Variants in ARHGAP10 observed in about 807,000 individuals in gnomAD.
The protein encoded by ARHGAP10 is rho GTPase-activating protein 10.
Under a neutral mutation model 108.6 loss-of-function variants are expected in ARHGAP10, and 87 were observed. That is an observed-to-expected ratio of 0.80 (90% CI 0.67 to 0.96). ARHGAP10 has a LOEUF of 0.96. ARHGAP10 is among the 40% of genes least tolerant of loss of function. The pLI is 0.00. For missense variants in ARHGAP10, 939 were observed against 954.5 expected (o/e 0.98, Z 0.21); for synonymous variants, 347 against 341.1 (o/e 1.02, Z -0.19).
intron 13 of ARHGAP10, among the ~76,000 whole-genome samples, chr4:147,923,787 C>G (rs946817931): frequency 6.6e-6 from 1 of 152,174 alleles, no homozygotes; most frequent in Non-Finnish European, 1.5e-5. Context: ...ATGGGGTTCT[C>G]AAGATGGGCT....
intron 1 of ARHGAP10, among the ~76,000 whole-genome samples, chr4:147,812,416 C>T (rs1271523484): frequency 6.6e-6 from 1 of 152,058 alleles, no homozygotes; most frequent in African/African-American, 2.4e-5. Flanking sequence ...AGGAATACTT[C>T]ACAGACCTCA....
chr4:147,744,962 C>G (rs986872487), intron 1 of ARHGAP10, among the ~76,000 whole-genome samples: 1 of 151,848 alleles, frequency 6.6e-6, no homozygotes, highest in African/African-American at 2.4e-5. Flanking sequence ...AGGGTCAGGG[C>G]AAATCCGGAG....
chr4:147,988,428 C>T (rs1740123353), intron 18 of ARHGAP10, among the ~76,000 whole-genome samples: 1 of 152,148 alleles, frequency 6.6e-6, no homozygotes, highest in Non-Finnish European at 1.5e-5. Context: ...GTCCTCTGGC[C>T]TGCCGGTCCT....
intron 19 of ARHGAP10, among the ~76,000 whole-genome samples, chr4:148,041,261 A>G (rs1466761443): frequency 6.6e-6 from 1 of 152,240 alleles, no homozygotes; most frequent in Non-Finnish European, 1.5e-5. Flanking sequence ...GTGAGGAATA[A>G]CAGAAACTGT....
chr4:147,952,895 C>T (rs1738659130), intron 15 of ARHGAP10, among the ~76,000 whole-genome samples: 1 of 151,848 alleles, frequency 6.6e-6, no homozygotes, highest in Non-Finnish European at 1.5e-5. Context: ...AGGTTTTACA[C>T]TTAGTTCTGT....
intron 3 of ARHGAP10, among the ~76,000 whole-genome samples, chr4:147,824,814 G>A (rs1485466532): frequency 1.3e-5 from 2 of 152,156 alleles, no homozygotes; most frequent in Non-Finnish European, 2.9e-5. Context: ...TTACGCTTTC[G>A]TGTAAGATTT....
intron 13 of ARHGAP10, 135 bp downstream of exon 13, chr4:147,913,274 G>T: frequency 2.7e-6 from 2 of 741,714 alleles, no homozygotes; most frequent in Non-Finnish European, 2.3e-6. Flanking sequence ...AGTATCAGAA[G>T]GATCAGTTAT....
At chr4:147,967,844 G>T (rs1001612762) in intron 18 of ARHGAP10, among the ~76,000 whole-genome samples, 2 of 151,978 alleles carry the variant, frequency 1.3e-5, no homozygotes, top group African/African-American at 4.9e-5. Flanking sequence ...CTTGTAAGTG[G>T]CTGCATAGCC....
At chr4:147,873,875 TAAAA>T (rs11339382) in intron 7 of ARHGAP10, among the ~76,000 whole-genome samples, 9 of 132,270 alleles carry the variant, frequency 6.8e-5, no homozygotes, top group African/African-American at 5.5e-5. Flanking sequence ...ACCCTGTCTT[TAAAA>T]AAAAAAAAAA....
At chr4:147,929,469 A>T (rs1016907370) in intron 13 of ARHGAP10, among the ~76,000 whole-genome samples, 2 of 152,156 alleles carry the variant, frequency 1.3e-5, no homozygotes, top group East Asian at 3.8e-4. Flanking sequence ...TTGTGTATGA[A>T]CCTGTTTATT....
At chr4:147,753,407 G>A (rs1579001902) in intron 1 of ARHGAP10, among the ~76,000 whole-genome samples, 2 of 149,568 alleles carry the variant, frequency 1.3e-5, no homozygotes, top group South Asian at 2.1e-4. Context: ...ACAGTGATGT[G>A]ATCTCGGCTC....
At chr4:147,932,032 A>G (rs1398911027) in intron 13 of ARHGAP10, among the ~76,000 whole-genome samples, 1 of 152,192 alleles carries the variant, frequency 6.6e-6, no homozygotes, top group Non-Finnish European at 1.5e-5. Flanking sequence ...TCAAGACAAG[A>G]CATACATGTG....
chr4:147,858,823 G>C (rs10025684), intron 5 of ARHGAP10, among the ~76,000 whole-genome samples: 1 of 152,036 alleles, frequency 6.6e-6, no homozygotes, highest in Non-Finnish European at 1.5e-5. Context: ...TTCCCCAAGT[G>C]AATTTCCAAA....
chr4:147,759,005 G>A (rs2126702690), intron 1 of ARHGAP10, among the ~76,000 whole-genome samples: 1 of 151,280 alleles, frequency 6.6e-6, no homozygotes, highest in Middle Eastern at 3.4e-3. Context: ...AAAACAGGTG[G>A]TATATTTTTT....
At chr4:147,794,711 C>A (rs1313647698) in intron 1 of ARHGAP10, among the ~76,000 whole-genome samples, 1 of 152,126 alleles carries the variant, frequency 6.6e-6, no homozygotes, top group Non-Finnish European at 1.5e-5. Flanking sequence ...ATTGAGTATT[C>A]CATTATCTCC....
At chr4:147,812,336 G>A (rs1307845776) in intron 1 of ARHGAP10, among the ~76,000 whole-genome samples, 1 of 152,100 alleles carries the variant, frequency 6.6e-6, no homozygotes, top group African/African-American at 2.4e-5. Flanking sequence ...GGAGGTCCAG[G>A]CCCGTGTCAG....
chr4:147,959,124 A>G (rs1199751610), intron 16 of ARHGAP10, among the ~76,000 whole-genome samples: 1 of 152,168 alleles, frequency 6.6e-6, no homozygotes. Context: ...GGAGTACCTT[A>G]AAGGTATTAT....
intron 18 of ARHGAP10, among the ~76,000 whole-genome samples, chr4:147,974,705 T>C (rs142761775): frequency 1.6e-3 from 250 of 152,334 alleles, no homozygotes; most frequent in African/African-American, 5.5e-3. Flanking sequence ...TACTAGCCTG[T>C]ATTAGTCTGT....
At chr4:147,870,414 A>G (rs936964380) in intron 7 of ARHGAP10, among the ~76,000 whole-genome samples, 7 of 152,206 alleles carry the variant, frequency 4.6e-5, no homozygotes, top group Admixed American at 1.3e-4. Context: ...CTGCATTATA[A>G]CATCATAAAT....
Sources: allele counts gnomAD v4.1 joint callset (sites outside exome capture counted in the v4.1 genomes callset), GRCh38; gene constraint gnomAD v4.1.1; transcripts MANE v1.5; gene names NCBI Gene and HGNC (gene_info 2026-07-23, HGNC 2026-07-21).